TENM1: variants seen among roughly 807,000 people sequenced by gnomAD.
TENM1 encodes teneurin transmembrane protein 1, also known as teneurin-1.
Under a neutral mutation model 174.8 loss-of-function variants are expected in TENM1, and 35 were observed. That is an observed-to-expected ratio of 0.20 (90% confidence interval 0.15 to 0.27). The LOEUF is 0.27. Among genes scored for constraint, TENM1 ranks in the 10% least tolerant of loss-of-function variants. The pLI is 1.00. For synonymous variants in TENM1, 781 were observed against 798.7 expected (o/e 0.98, Z 0.37); for missense variants, 1,633 against 2,130.1 (o/e 0.77, Z 4.59).
intron 3 of TENM1, among the ~76,000 whole-genome samples, chrX:124,833,047 C>T (rs113811539): frequency 0.013 from 1,404 of 111,394 alleles, 13 homozygotes; most frequent in Middle Eastern, 0.047. Context: ...AAGGAAGGTT[C>T]AATGGAAATT....
intron 11 of TENM1, among the ~76,000 whole-genome samples, chrX:124,639,385 A>T (rs2050956215): frequency 8.9e-6 from 1 of 112,101 alleles, no homozygotes; most frequent in Non-Finnish European, 1.9e-5. Context: ...AAATGTTAAG[A>T]CTTCTACAAA....
Position 124,953,603 on chromosome X carries a change from A to G in TENM1, c.217+9934T>C, listed in dbSNP as rs183069789. Among the ~76,000 whole-genome samples, 136 of 111,595 alleles carry G rather than the reference A, an allele frequency of 1.2e-3. 2 individuals are homozygous for G. Among genetic ancestry groups the G allele is most frequent in the Admixed American group, 3.7e-3 (39 of 10,436 alleles). The stretch of plus-strand genomic sequence containing the variant: ...TTTCCCAGTCTTCACAGTCCCATGA[A>G]TATGTATCCCCTTTGATCCTGCCCA... On this transcript the variant is annotated intron_variant, in intron 1 of 31. Coordinates refer to ENST00000422452, the Ensembl canonical transcript of TENM1.
intron 5 of TENM1, among the ~76,000 whole-genome samples, chrX:124,697,903 C>T (rs1451588330): frequency 1.8e-5 from 2 of 111,399 alleles, no homozygotes; most frequent in Non-Finnish European, 3.8e-5. Context: ...TGAAAAACTA[C>T]ACTGTACACT....
At chrX:125,006,660 C>T in the TENM1 span, among the ~76,000 whole-genome samples, 1 of 111,413 alleles carries the variant, frequency 9.0e-6, no homozygotes, top group African/African-American at 3.3e-5. Context: ...ACAAAGCTTC[C>T]AAAGGTAAGA....
chrX:124,521,440 G>T lies in TENM1; in HGVS notation c.3034-656C>A, dbSNP rs145622236. Among the ~76,000 whole-genome samples the T allele has an allele frequency of 2.7e-5, 3 of 112,021 alleles. No individual in the cohort carries two copies. In the Admixed American group the frequency reaches 2.8e-4, roughly 11 times the overall value. On this transcript the variant is annotated intron_variant, in intron 17 of 31. Transcript: ENST00000422452. ...CTGTGCCTGGATGTAGCAATGGCTG[G>T]GAACAAGTTTCTCCAAGTTGGCACT...
At chrX:125,198,746 T>C in the TENM1 span, among the ~76,000 whole-genome samples, 2 of 111,126 alleles carry the variant, frequency 1.8e-5, no homozygotes, top group Non-Finnish European at 3.8e-5. Flanking sequence ...CAGCTGTCTG[T>C]CCCATCTAGT....
At chrX:124,453,309 A>C in intron 23 of TENM1, 28 bp downstream of exon 26, 1 of 1,181,898 alleles carries the variant, frequency 8.5e-7, no homozygotes, top group Non-Finnish European at 1.1e-6. Flanking sequence ...CCAAATGACA[A>C]TAATACTTGA....
the TENM1 span, among the ~76,000 whole-genome samples, chrX:125,073,729 C>T: frequency 9.0e-6 from 1 of 111,125 alleles, no homozygotes; most frequent in Admixed American, 9.6e-5. Flanking sequence ...GCCAAGGTTC[C>T]TGTCCAGTTT....
chrX:124,790,880 A>G (rs1470410552), intron 3 of TENM1, among the ~76,000 whole-genome samples: 1 of 111,323 alleles, frequency 9.0e-6, no homozygotes, highest in Non-Finnish European at 1.9e-5. Flanking sequence ...AAAAGTAGGT[A>G]ATGTCCACAA....
At chrX:124,915,030 T>C (rs936254615) in intron 1 of TENM1, among the ~76,000 whole-genome samples, 8 of 111,798 alleles carry the variant, frequency 7.2e-5, no homozygotes, top group African/African-American at 2.6e-4. Flanking sequence ...ATGACATTTG[T>C]GCATGTTGTT....
In TENM1 at chrX:124,497,430, T is replaced by G. The variant is rs958701114; in HGVS notation, c.3446-165A>C. 3.6e-5 allele frequency among the ~76,000 whole-genome samples: 4 copies of G among 111,616 alleles called. No individual in the cohort carries two copies. The East Asian group carries it at 1.1e-3, about 32-fold the overall frequency. On this transcript the variant is annotated intron_variant, in intron 19 of 31. Transcript: ENST00000422452. The stretch of plus-strand genomic sequence containing the variant: ...CACACTTTCCTCGGTTTTGTTTAAC[T>G]GCATAACCACAACAAATAGTAGCAT...
chrX:125,106,603 G>A, the TENM1 span, among the ~76,000 whole-genome samples: 5 of 110,386 alleles, frequency 4.5e-5, no homozygotes, highest in East Asian at 5.7e-4. Flanking sequence ...TAGAGACAGC[G>A]TTTCACCGTG....
chrX:125,159,728 AT>A, the TENM1 span, among the ~76,000 whole-genome samples: 5 of 112,047 alleles, frequency 4.5e-5, no homozygotes, highest in Admixed American at 4.7e-4. Context: ...AGACTCTGTT[AT>A]TGGTCTATAA....
At chrX:124,878,274 C>T (rs764962101) in intron 3 of TENM1, among the ~76,000 whole-genome samples, 14 of 111,198 alleles carry the variant, frequency 1.3e-4, no homozygotes, top group Non-Finnish European at 1.7e-4. Flanking sequence ...GCAGCTATGA[C>T]GAGGCTAGTC....
chrX:124,494,357 C>T (rs2047138823), intron 20 of TENM1, among the ~76,000 whole-genome samples: 1 of 111,021 alleles, frequency 9.0e-6, no homozygotes, highest in African/African-American at 3.3e-5. Context: ...CATAGAGAAA[C>T]TTAAAGCCAA....
At chrX:125,061,644 C>A in the TENM1 span, among the ~76,000 whole-genome samples, 1 of 112,043 alleles carries the variant, frequency 8.9e-6, no homozygotes, top group Non-Finnish European at 1.9e-5. Flanking sequence ...TGCCTGGGCG[C>A]AGTGGCTCAT....
chrX:124,863,984 A>G (rs1484478167), intron 3 of TENM1, among the ~76,000 whole-genome samples: 1 of 112,349 alleles, frequency 8.9e-6, no homozygotes, highest in Non-Finnish European at 1.9e-5. Flanking sequence ...GAACTCTCCC[A>G]TATCTTGTCC....
chrX:124,637,464 T>G (rs761064097), intron 11 of TENM1, among the ~76,000 whole-genome samples: 3 of 111,610 alleles, frequency 2.7e-5, no homozygotes, highest in African/African-American at 9.8e-5. Context: ...ATATCAAGTT[T>G]GCGTCATTTT....
the TENM1 span, among the ~76,000 whole-genome samples, chrX:125,118,808 G>A: frequency 8.9e-6 from 1 of 111,950 alleles, no homozygotes; most frequent in Non-Finnish European, 1.9e-5. Context: ...CCTGTTCTGA[G>A]TGTTAAGAAC....
Sources: gnomAD v4.1 joint callset for allele counts (sites outside exome capture counted in the v4.1 genomes callset) on GRCh38, gnomAD v4.1.1 for gene constraint, MANE v1.5 for transcripts, NCBI Gene and HGNC (gene_info 2026-07-23, HGNC 2026-07-21) for gene names.